Variants in TNNI3K observed in about 807,000 individuals in gnomAD.
TNNI3K encodes serine/threonine-protein kinase TNNI3K.
TNNI3K carries 140 observed loss-of-function variants against 114.5 expected under a neutral mutation model. The ratio of observed to expected loss-of-function variants is 1.22; its 90% CI spans 1.07 to 1.41. TNNI3K has a LOEUF of 1.41. TNNI3K is among the 40% of genes most tolerant of loss of function. The probability of loss-of-function intolerance (pLI) is 0.00; values close to 1 mark genes in which losing one functional copy is unlikely to be tolerated. For missense variants in TNNI3K, 1,125 were observed against 1,007.6 expected (o/e 1.12, Z -1.58); for synonymous variants, 347 against 347.5 (o/e 1.00, Z 0.02).
chr1:74,298,845 G>A (rs893460895), intron 5 of TNNI3K, among the ~76,000 whole-genome samples: 4 of 152,030 alleles, frequency 2.6e-5, no homozygotes, highest in African/African-American at 9.7e-5. Flanking sequence ...ATCAGAAAGT[G>A]TCCATTTTGG....
chr1:74,325,496 C>T (rs1659848649), intron 5 of TNNI3K, among the ~76,000 whole-genome samples: 1 of 152,142 alleles, frequency 6.6e-6, no homozygotes, highest in Non-Finnish European at 1.5e-5. Context: ...TGACTAAGTC[C>T]TGCTTGTGGT....
At chr1:74,534,797 C>A (rs527973122) in intron 23 of TNNI3K, among the ~76,000 whole-genome samples, 1 of 152,244 alleles carries the variant, frequency 6.6e-6, no homozygotes, top group South Asian at 2.1e-4. Flanking sequence ...TACAACCTGT[C>A]ATTCAAATCC....
Position 74,351,165 on chromosome 1 carries a change from G to A in TNNI3K, c.933-2101G>A, listed in dbSNP as rs1040834909. 3.3e-5 allele frequency among the ~76,000 whole-genome samples: 5 copies of A among 152,138 alleles called. No homozygotes were observed. In the South Asian group the frequency reaches 8.3e-4, roughly 25 times the overall value. On this transcript the variant is annotated intron_variant, in intron 9 of 24. Transcript: ENST00000326637. ...GAGCTCTTTTAGGGCAGGCCTGGTGGTGACAAAATCTCTCAGTATTTGCTT... is the reference window on the plus strand; with the variant it reads ...GAGCTCTTTTAGGGCAGGCCTGGTGATGACAAAATCTCTCAGTATTTGCTT...
chr1:74,243,709 T>C lies in TNNI3K; in HGVS notation c.150-5750T>C, dbSNP rs1570361085. Among the ~76,000 whole-genome samples, 4 of 152,178 alleles carry C rather than the reference T, an allele frequency of 2.6e-5. No homozygotes were observed. The South Asian group carries it at 6.2e-4, about 24-fold the overall frequency. On this transcript the variant is annotated intron_variant, in intron 2 of 24. Transcript: ENST00000326637. Reference sequence around the variant, plus strand: ...TAAAGGCTAGGAAAAGAATTCATTATGCTACAAGAAAGAAAGTAACCTTTG... The same window carrying C: ...TAAAGGCTAGGAAAAGAATTCATTACGCTACAAGAAAGAAAGTAACCTTTG...
intron 4 of TNNI3K, among the ~76,000 whole-genome samples, chr1:74,253,905 AC>A (rs1655117730): frequency 6.6e-6 from 1 of 152,164 alleles, no homozygotes; most frequent in South Asian, 2.1e-4. Flanking sequence ...GCACGCTGTC[AC>A]CTCTTAGTTG....
intron 4 of TNNI3K, among the ~76,000 whole-genome samples, chr1:74,270,990 G>A (rs1204069196): frequency 6.6e-6 from 1 of 151,626 alleles, no homozygotes; most frequent in Non-Finnish European, 1.5e-5. Context: ...TTCAAATTTG[G>A]AGGCTCAAAT....
chr1:74,397,751 G>A (rs1458314956), intron 17 of TNNI3K, among the ~76,000 whole-genome samples: 7 of 152,170 alleles, frequency 4.6e-5, no homozygotes, highest in Non-Finnish European at 2.9e-5. Flanking sequence ...GTGATATGCA[G>A]CATATCATAT....
chr1:74,402,884 G>A (rs1664441615), intron 17 of TNNI3K, among the ~76,000 whole-genome samples: 1 of 151,788 alleles, frequency 6.6e-6, no homozygotes, highest in East Asian at 1.9e-4. Context: ...TTTTTTTTTA[G>A]CTCATCAGCT....
intron 17 of TNNI3K, among the ~76,000 whole-genome samples, chr1:74,406,242 G>C (rs181990113): frequency 6.6e-6 from 1 of 152,344 alleles, no homozygotes; most frequent in Admixed American, 6.5e-5. Context: ...CCCACAGGCT[G>C]TGTGTGGCTC....
At chr1:74,244,837 C>A (rs973583026) in intron 2 of TNNI3K, among the ~76,000 whole-genome samples, 3 of 151,722 alleles carry the variant, frequency 2.0e-5, no homozygotes, top group East Asian at 3.9e-4. Flanking sequence ...ATTGAGTTTA[C>A]CCTCTCAAAT....
chr1:74,518,574 G>A (rs1014694446), intron 23 of TNNI3K, among the ~76,000 whole-genome samples: 5 of 152,156 alleles, frequency 3.3e-5, no homozygotes, highest in African/African-American at 9.7e-5. Context: ...TCTACTAATC[G>A]TGACGAAGCT....
At chr1:74,269,461 A>T (rs542861108) in intron 4 of TNNI3K, among the ~76,000 whole-genome samples, 4 of 151,884 alleles carry the variant, frequency 2.6e-5, no homozygotes, top group Non-Finnish European at 5.9e-5. Flanking sequence ...AGGAAAATGT[A>T]TCTAATTGTA....
At chr1:74,461,198 T>G (rs1667439868) in intron 20 of TNNI3K, among the ~76,000 whole-genome samples, 1 of 152,128 alleles carries the variant, frequency 6.6e-6, no homozygotes, top group Non-Finnish European at 1.5e-5. Flanking sequence ...TAGTCAAGAG[T>G]GGCCCAGCAT....
chr1:74,311,043 A>G (rs1658963702), intron 5 of TNNI3K, among the ~76,000 whole-genome samples: 1 of 152,150 alleles, frequency 6.6e-6, no homozygotes, highest in African/African-American at 2.4e-5. Flanking sequence ...TTTCTCTTAA[A>G]GATATATGTT....
At chr1:74,250,561 G>A (rs1362198059) in intron 3 of TNNI3K, 111 bp from the exon 4 acceptor site, 28 of 922,274 alleles carry the variant, frequency 3.0e-5, no homozygotes, top group East Asian at 2.1e-4. Flanking sequence ...CCTGCAGAAC[G>A]CAGCTTGACA....
intron 20 of TNNI3K, among the ~76,000 whole-genome samples, chr1:74,451,627 C>T (rs1484804127): frequency 1.5e-5 from 2 of 137,446 alleles, no homozygotes; most frequent in African/African-American, 3.2e-5. Context: ...TCCTTCCTTC[C>T]TTTTCTTTTT....
chr1:74,270,693 A>G (rs1270819723), intron 4 of TNNI3K, among the ~76,000 whole-genome samples: 1 of 151,806 alleles, frequency 6.6e-6, no homozygotes, highest in Non-Finnish European at 1.5e-5. Flanking sequence ...TCATAAATGC[A>G]CTGGCCTATC....
At chr1:74,471,856 T>C (rs1667947983) in intron 21 of TNNI3K, 3 of 452,058 alleles carry the variant, frequency 6.6e-6, no homozygotes, top group African/African-American at 2.0e-5. Flanking sequence ...ATTTGGCTTC[T>C]TTTCTTTCAT....
At position 74,269,144 on chromosome 1, in the gene TNNI3K, G is replaced by T. The variant is rs187358051; in HGVS notation, c.334-2454G>T. Among the ~76,000 whole-genome samples, 308 of 151,948 alleles carry T rather than the reference G, an allele frequency of 2.0e-3. 1 individual carries two copies. The highest frequency in any genetic ancestry group is 6.8e-3 in the African/African-American group (283 of 41,498). ...ACCATTTATCTCAAAAGTCACCTCTGCAGTGAAGCTTTCCCTGATTAACCA... is the reference window on the plus strand; with the variant it reads ...ACCATTTATCTCAAAAGTCACCTCTTCAGTGAAGCTTTCCCTGATTAACCA... On this transcript the variant is annotated intron_variant, in intron 4 of 24. Transcript: ENST00000326637.
Sources: gnomAD v4.1 joint callset for allele counts (sites outside exome capture counted in the v4.1 genomes callset) on GRCh38, gnomAD v4.1.1 for gene constraint, MANE v1.5 for transcripts, NCBI Gene and HGNC (gene_info 2026-07-23, HGNC 2026-07-21) for gene names.